PPARGC1A: variants seen among roughly 807,000 people sequenced by gnomAD.
The protein encoded by PPARGC1A is PPARG coactivator 1 alpha, also known as peroxisome proliferator-activated receptor gamma coactivator 1-alpha.
In PPARGC1A, 25 loss-of-function variants were observed where a neutral mutation model predicts 88.7. The observed-to-expected ratio is 0.28, with a 90% confidence interval of 0.21 to 0.39. PPARGC1A has a LOEUF of 0.39. Ranked by LOEUF, PPARGC1A falls within the 10% of genes least tolerant of loss-of-function variation. The pLI is 1.00. For missense variants in PPARGC1A, 880 were observed against 968.7 expected, an observed-to-expected ratio of 0.91 and a Z score of 1.22; for synonymous variants, 363 against 355.6, an observed-to-expected ratio of 1.02 and a Z score of -0.24.
At chr4:23,883,230 A>G (rs1187610642) in intron 2 of PPARGC1A, 1 of 152,220 alleles carries the variant, frequency 6.6e-6, no homozygotes, top group Non-Finnish European at 1.5e-5. Flanking sequence ...CTGTCTCCCC[A>G]GTCCAAACTC....
the PPARGC1A span, among the ~76,000 whole-genome samples, chr4:24,451,895 G>A: frequency 1.3e-5 from 2 of 152,126 alleles, no homozygotes; most frequent in African/African-American, 4.8e-5. Flanking sequence ...AATTTTATGT[G>A]TCAATTTGAC....
chr4:24,424,395 C>T, the PPARGC1A span, among the ~76,000 whole-genome samples: 1 of 150,964 alleles, frequency 6.6e-6, no homozygotes, highest in Non-Finnish European at 1.5e-5. Flanking sequence ...CCTGCCTCAG[C>T]CTCCCGAGTA....
the PPARGC1A span, among the ~76,000 whole-genome samples, chr4:23,963,587 T>C: frequency 9.2e-5 from 14 of 152,206 alleles, no homozygotes; most frequent in South Asian, 2.1e-4. Flanking sequence ...CTTGTCTTTG[T>C]AGAGATGGAG....
At chr4:24,445,837 G>A in the PPARGC1A span, among the ~76,000 whole-genome samples, 4 of 152,270 alleles carry the variant, frequency 2.6e-5, no homozygotes, top group African/African-American at 7.2e-5. Flanking sequence ...GGAGGCTGAG[G>A]CGGGCGGATC....
the PPARGC1A span, among the ~76,000 whole-genome samples, chr4:23,962,239 C>A: frequency 2.6e-5 from 4 of 152,142 alleles, no homozygotes; most frequent in East Asian, 7.8e-4. Flanking sequence ...TTGTCAAATT[C>A]TGTTGTATAT....
At chr4:23,869,536 T>C (rs1400367574) in intron 2 of PPARGC1A, among the ~76,000 whole-genome samples, 1 of 152,066 alleles carries the variant, frequency 6.6e-6, no homozygotes, top group Non-Finnish European at 1.5e-5. Context: ...AGACAGAAAT[T>C]AGATTTAGGA....
the PPARGC1A span, among the ~76,000 whole-genome samples, chr4:24,016,515 CCTATT>C: frequency 6.6e-6 from 1 of 151,938 alleles, no homozygotes; most frequent in Admixed American, 6.6e-5. Context: ...GTGCTCTTGG[CCTATT>C]CAGAAGGAGT....
the PPARGC1A span, among the ~76,000 whole-genome samples, chr4:24,157,821 C>T: frequency 1.3e-5 from 2 of 152,100 alleles, no homozygotes; most frequent in African/African-American, 4.8e-5. Context: ...GGTCTCCCTG[C>T]TTTGATTATT....
At chr4:24,071,722 G>A in the PPARGC1A span, among the ~76,000 whole-genome samples, 1 of 152,054 alleles carries the variant, frequency 6.6e-6, no homozygotes, top group East Asian at 1.9e-4. Context: ...GAAGCAGTAC[G>A]GTAGAAAGGA....
the PPARGC1A span, among the ~76,000 whole-genome samples, chr4:24,108,489 A>G: frequency 3.3e-5 from 5 of 152,308 alleles, no homozygotes; most frequent in East Asian, 9.6e-4. Flanking sequence ...TTAGAATGAG[A>G]AGAAAATCAG....
the PPARGC1A span, among the ~76,000 whole-genome samples, chr4:23,910,890 A>T: frequency 4.8e-3 from 728 of 152,246 alleles, 33 homozygotes; most frequent in East Asian, 0.099. Context: ...ACATGCAGGA[A>T]GGGTGACACT....
chr4:24,101,612 A>AT, the PPARGC1A span, among the ~76,000 whole-genome samples: 1 of 152,214 alleles, frequency 6.6e-6, no homozygotes, highest in East Asian at 1.9e-4. Flanking sequence ...TAAGGTATCC[A>AT]TTTTTTAAGA....
the PPARGC1A span, among the ~76,000 whole-genome samples, chr4:24,387,290 C>T: frequency 2.0e-5 from 3 of 152,102 alleles, no homozygotes; most frequent in South Asian, 6.2e-4. Context: ...ATAAAAAACC[C>T]TAGAAGAAAA....
chr4:23,854,840 G>T (rs115536345), intron 2 of PPARGC1A, among the ~76,000 whole-genome samples: 383 of 152,218 alleles, frequency 2.5e-3, no homozygotes, highest in African/African-American at 8.8e-3. Flanking sequence ...AAGAAAAAAA[G>T]GGGAAGGAAG....
intron 7 of PPARGC1A, among the ~76,000 whole-genome samples, chr4:23,823,190 T>C (rs908402711): frequency 1.3e-5 from 2 of 151,972 alleles, no homozygotes; most frequent in African/African-American, 4.8e-5. Context: ...TGGGTGGAAT[T>C]GGAAAATATT....
the PPARGC1A span, among the ~76,000 whole-genome samples, chr4:24,324,737 T>C: frequency 6.6e-6 from 1 of 152,270 alleles, no homozygotes. Context: ...CGTCCAGGCA[T>C]TCTTTTACAC....
At chr4:23,859,679 G>C (rs1479067441) in intron 2 of PPARGC1A, among the ~76,000 whole-genome samples, 1 of 151,830 alleles carries the variant, frequency 6.6e-6, no homozygotes, top group African/African-American at 2.4e-5. Context: ...TACTCGGGAG[G>C]CTGAGGCAAG....
At chr4:24,441,751 G>A in the PPARGC1A span, among the ~76,000 whole-genome samples, 1 of 152,272 alleles carries the variant, frequency 6.6e-6, no homozygotes, top group East Asian at 1.9e-4. Flanking sequence ...GGGAGGAAAA[G>A]GGTGGAAGAA....
chr4:24,460,199 T>A, the PPARGC1A span, among the ~76,000 whole-genome samples: 1 of 152,196 alleles, frequency 6.6e-6, no homozygotes, highest in Non-Finnish European at 1.5e-5. Flanking sequence ...ATGTTTAATA[T>A]CATTGTAAAC....
Sources: allele counts gnomAD v4.1 joint callset (sites outside exome capture counted in the v4.1 genomes callset), GRCh38; gene constraint gnomAD v4.1.1; transcripts MANE v1.5; gene names NCBI Gene and HGNC (gene_info 2026-07-23, HGNC 2026-07-21).